DPP6: variants seen among roughly 807,000 people sequenced by gnomAD.
The protein encoded by DPP6 is A-type potassium channel modulatory protein DPP6.
Under a neutral mutation model 122.6 loss-of-function variants are expected in DPP6, and 69 were observed. The observed-to-expected ratio is 0.56, with a 90% CI of 0.46 to 0.69. The LOEUF (loss-of-function observed/expected upper bound fraction) is 0.69. DPP6 is among the 30% of genes least tolerant of loss of function. The pLI, the probability that DPP6 is intolerant of heterozygous loss-of-function variation, is 0.00. For missense variants in DPP6, 928 were observed against 1,116.9 expected (o/e 0.83, Z 2.41); for synonymous variants, 418 against 433.1 (o/e 0.97, Z 0.43).
intron 1 of DPP6, among the ~76,000 whole-genome samples, chr7:153,922,715 A>C (rs1384407511): frequency 6.6e-6 from 1 of 152,216 alleles, no homozygotes; most frequent in Non-Finnish European, 1.5e-5. Flanking sequence ...ATAATCTCTT[A>C]GATTTGATGA....
intron 1 of DPP6, among the ~76,000 whole-genome samples, chr7:154,363,669 T>C (rs1228349663): frequency 6.6e-6 from 1 of 152,222 alleles, no homozygotes; most frequent in Non-Finnish European, 1.5e-5. Context: ...TTGCTTGTTT[T>C]GAAAATGTCT....
chr7:154,125,089 G>A (rs1006063369), intron 1 of DPP6, among the ~76,000 whole-genome samples: 1 of 152,220 alleles, frequency 6.6e-6, no homozygotes, highest in African/African-American at 2.4e-5. Flanking sequence ...TATGCAGCGT[G>A]GAGGTCTTTG....
At chr7:154,405,597 G>A (rs867573198) in intron 1 of DPP6, among the ~76,000 whole-genome samples, 1 of 152,094 alleles carries the variant, frequency 6.6e-6, no homozygotes, top group Non-Finnish European at 1.5e-5. Flanking sequence ...TCCCACTGGG[G>A]CTCTGGAGGC....
intron 17 of DPP6, among the ~76,000 whole-genome samples, chr7:154,865,059 G>T (rs752048471): frequency 3.3e-5 from 5 of 152,184 alleles, no homozygotes; most frequent in Non-Finnish European, 5.9e-5. Context: ...ACTTTAACCA[G>T]CTGTAAGAGG....
At chr7:154,147,279 G>T (rs1369966209) in intron 1 of DPP6, among the ~76,000 whole-genome samples, 1 of 152,066 alleles carries the variant, frequency 6.6e-6, no homozygotes, top group African/African-American at 2.4e-5. Context: ...CTTCCTTCCT[G>T]CCCAGTTCTC....
chr7:153,803,163 T>C, the DPP6 span, among the ~76,000 whole-genome samples: 2 of 151,538 alleles, frequency 1.3e-5, no homozygotes, highest in Admixed American at 1.3e-4. Context: ...GGCGTCCCAA[T>C]GTTCTTCTAC....
At chr7:154,216,991 C>T (rs562373455) in intron 1 of DPP6, among the ~76,000 whole-genome samples, 1 of 152,002 alleles carries the variant, frequency 6.6e-6, no homozygotes, top group South Asian at 2.1e-4. Context: ...ATCCTAATTG[C>T]ATGTTCCATA....
chr7:153,939,289 C>T (rs907397401), intron 1 of DPP6, among the ~76,000 whole-genome samples: 3 of 152,228 alleles, frequency 2.0e-5, no homozygotes, highest in Admixed American at 6.5e-5. Context: ...AAAGTACAAG[C>T]GTTAAGTCAC....
At chr7:154,434,411 G>T (rs1436977930) in intron 1 of DPP6, among the ~76,000 whole-genome samples, 1 of 152,040 alleles carries the variant, frequency 6.6e-6, no homozygotes, top group East Asian at 1.9e-4. Context: ...TCACCCTGAA[G>T]GTCCAGACTG....
chr7:154,330,405 A>G (rs888292687), intron 1 of DPP6, among the ~76,000 whole-genome samples: 1 of 152,168 alleles, frequency 6.6e-6, no homozygotes, highest in East Asian at 1.9e-4. Context: ...ATGAGGAGAG[A>G]CAGGTAAACA....
intron 5 of DPP6, among the ~76,000 whole-genome samples, chr7:154,626,590 G>T (rs1835080465): frequency 6.6e-6 from 1 of 152,240 alleles, no homozygotes. Flanking sequence ...TGGTATGGAA[G>T]TAGAAGTCGT....
At chr7:154,127,597 TCACACACACACACACA>T (rs71182879) in intron 1 of DPP6, among the ~76,000 whole-genome samples, 8,491 of 136,180 alleles carry the variant, frequency 0.062, 301 homozygotes, top group Middle Eastern at 0.14. Context: ...GAGCAGCATC[TCACACACACACACACA>T]CACACACACA....
At chr7:154,705,238 AC>A (rs1186326981) in intron 7 of DPP6, among the ~76,000 whole-genome samples, 1 of 152,224 alleles carries the variant, frequency 6.6e-6, no homozygotes, top group Non-Finnish European at 1.5e-5. Context: ...ACTAGACTAA[AC>A]AAAAAGGGGA....
At chr7:153,819,526 A>C in the DPP6 span, among the ~76,000 whole-genome samples, 688 of 151,780 alleles carry the variant, frequency 4.5e-3, 9 homozygotes, top group African/African-American at 0.016. Context: ...CCAAGTTTGC[A>C]TGGCACACAC....
At chr7:154,719,879 T>C (rs1841704257) in intron 7 of DPP6, among the ~76,000 whole-genome samples, 1 of 152,188 alleles carries the variant, frequency 6.6e-6, no homozygotes, top group Admixed American at 6.5e-5. Context: ...TGCTTCAGCA[T>C]CAACGTGAAG....
intron 4 of DPP6, among the ~76,000 whole-genome samples, chr7:154,554,225 A>G (rs543088887): frequency 4.6e-5 from 7 of 152,298 alleles, no homozygotes; most frequent in East Asian, 1.9e-4. Flanking sequence ...TTGACCAGGA[A>G]GGGAGAATAC....
At chr7:153,964,779 C>CTCCTTTCCTTTCCTTTCCTT (rs200745389) in intron 1 of DPP6, among the ~76,000 whole-genome samples, 31 of 114,690 alleles carry the variant, frequency 2.7e-4, no homozygotes, top group Middle Eastern at 3.9e-3. Flanking sequence ...TTCTCCGTGG[C>CTCCTTTCCTTTCCTTTCCTT]TCCTTTCCTT....
chr7:154,244,524 C>T (rs529126847), intron 1 of DPP6, among the ~76,000 whole-genome samples: 3 of 152,160 alleles, frequency 2.0e-5, no homozygotes, highest in South Asian at 4.2e-4. Flanking sequence ...TTCTTGAAGA[C>T]ACCTGACTGT....
intron 1 of DPP6, among the ~76,000 whole-genome samples, chr7:154,417,394 C>T (rs113899740): frequency 0.048 from 7,267 of 152,244 alleles, 246 homozygotes; most frequent in Admixed American, 0.075. Flanking sequence ...TTTAAATGCA[C>T]AAGCCCCTAG....
Sources: allele counts gnomAD v4.1 joint callset (sites outside exome capture counted in the v4.1 genomes callset), GRCh38; gene constraint gnomAD v4.1.1; transcripts MANE v1.5; gene names NCBI Gene and HGNC (gene_info 2026-07-23, HGNC 2026-07-21).